The following GNAQ variants were observed in gnomAD, a reference collection of about 807,000 sequenced individuals.
GNAQ encodes guanine nucleotide-binding protein G(q) subunit alpha.
In GNAQ, 8 loss-of-function variants were observed where a neutral mutation model predicts 43.9. The observed-to-expected ratio is 0.18, with a 90% CI of 0.11 to 0.33. The LOEUF is 0.33. Ranked by LOEUF, GNAQ falls within the 10% of genes least tolerant of loss-of-function variation. The probability of loss-of-function intolerance (pLI) is 1.00; values close to 1 mark genes in which losing one functional copy is unlikely to be tolerated. For missense variants in GNAQ, 158 were observed against 450.8 expected, an observed-to-expected ratio of 0.35 and a Z score of 5.88; for synonymous variants, 155 against 170.7, an observed-to-expected ratio of 0.91 and a Z score of 0.71.
intron 1 of GNAQ, among the ~76,000 whole-genome samples, chr9:77,941,782 T>C (rs1271590835): frequency 1.3e-5 from 2 of 152,184 alleles, no homozygotes; most frequent in Non-Finnish European, 2.9e-5. Flanking sequence ...GGAGAAACAA[T>C]GTTTTATTAC....
chr9:77,857,025 A>G (rs1037427239), intron 2 of GNAQ, among the ~76,000 whole-genome samples: 4 of 152,180 alleles, frequency 2.6e-5, no homozygotes, highest in African/African-American at 9.6e-5. Context: ...CTCTTCCTCA[A>G]GGAAAACAGT....
At chr9:77,976,241 C>T (rs975371685) in intron 1 of GNAQ, among the ~76,000 whole-genome samples, 1 of 152,170 alleles carries the variant, frequency 6.6e-6, no homozygotes, top group Non-Finnish European at 1.5e-5. Flanking sequence ...GTAAAGTGCC[C>T]AGTAAATGTT....
intron 1 of GNAQ, among the ~76,000 whole-genome samples, chr9:77,937,595 C>T (rs1295482256): frequency 6.6e-6 from 1 of 151,728 alleles, no homozygotes; most frequent in Admixed American, 6.6e-5. Context: ...AAACATCACA[C>T]TACTTAGAAA....
Position 77,721,643 on chromosome 9 carries a change from A to C in GNAQ, c.890-130T>G, listed in dbSNP as rs1337391642. On this transcript the variant is annotated intron_variant, in intron 6 of 6. Coordinates refer to ENST00000286548, the MANE Select transcript of GNAQ (RefSeq NM_002072.5). The stretch of plus-strand genomic sequence containing the variant: ...CTGCACTGCAGATTTGATCTGTTAT[A>C]ATCATTTTCCCTAACACTGCTATGT... The C allele has an allele frequency of 6.2e-6, 4 of 643,048 alleles. No individual in the cohort carries two copies. The East Asian group carries it at 1.1e-4, about 18-fold the overall frequency. 39.8% of individuals were successfully genotyped at this position (643,048 alleles called of 1,614,324 possible).
At chr9:77,751,355 C>T (rs1013513462) in intron 5 of GNAQ, among the ~76,000 whole-genome samples, 1 of 152,080 alleles carries the variant, frequency 6.6e-6, no homozygotes, top group Non-Finnish European at 1.5e-5. Context: ...GGGTGGTTTC[C>T]CTAATTGAAT....
rs543805600 is a variant in GNAQ at position 77,759,835 on chromosome 9, G to A, written c.736-31168C>T. ...CTTTTAGATCTATTAAATCACTGGA[G>A]TAGACTACAGTATATAATGTTCTTA... On this transcript the variant is annotated intron_variant, in intron 5 of 6. Coordinates refer to ENST00000286548, the MANE Select transcript of GNAQ (RefSeq NM_002072.5). 3.9e-5 allele frequency among the ~76,000 whole-genome samples: 6 copies of A among 152,238 alleles called. No individual in the cohort carries two copies. In the South Asian group the frequency reaches 1.0e-3, roughly 26 times the overall value.
intron 3 of GNAQ, among the ~76,000 whole-genome samples, chr9:77,808,641 C>T (rs1057440781): frequency 6.6e-6 from 1 of 151,952 alleles, no homozygotes; most frequent in African/African-American, 2.4e-5. Context: ...ATAATGACTT[C>T]TCAGATAAAG....
rs972862541 is a variant in GNAQ at position 77,717,649 on chromosome 9, A to C, written c.*3674T>G. 8.6e-6 allele frequency: 2 copies of C among 232,268 alleles called. No homozygotes were observed. The highest frequency in any genetic ancestry group is 4.4e-5 in the African/African-American group (2 of 45,278). 14.4% of individuals were successfully genotyped at this position (232,268 alleles called of 1,614,324 possible). A position where few individuals can be genotyped will look rare whatever the true frequency, so the allele number is the denominator to read the frequency against. On this transcript the variant is annotated 3_prime_UTR_variant, in exon 7 of 7. Transcript: ENST00000286548. ...AAATTACAGTTCGTACACTTTGACA[A>C]TCAAGATAGTCTGAAGTACAAAAAA... is the stretch of plus-strand genomic sequence containing the variant.
At chr9:77,916,940 C>T (rs1038727732) in intron 2 of GNAQ, among the ~76,000 whole-genome samples, 1 of 152,136 alleles carries the variant, frequency 6.6e-6, no homozygotes, top group African/African-American at 2.4e-5. Context: ...CACAATACCA[C>T]CCTTATTTCA....
chr9:77,984,048 G>GAAA (rs1564170418), intron 1 of GNAQ, among the ~76,000 whole-genome samples: 7 of 24,712 alleles, frequency 2.8e-4, no homozygotes, highest in African/African-American at 1.4e-3. Context: ...ATTTTGGAGA[G>GAAA]CAAAAAAAAA....
At chr9:77,860,812 A>G (rs1376390588) in intron 2 of GNAQ, among the ~76,000 whole-genome samples, 1 of 151,828 alleles carries the variant, frequency 6.6e-6, no homozygotes, top group Non-Finnish European at 1.5e-5. Flanking sequence ...GGCTAGATGT[A>G]CTCCCAGCTG....
At chr9:77,810,235 TA>T (rs1826898849) in intron 3 of GNAQ, among the ~76,000 whole-genome samples, 1 of 151,344 alleles carries the variant, frequency 6.6e-6, no homozygotes, top group Non-Finnish European at 1.5e-5. Context: ...TCTATCTATC[TA>T]TCTATCTATC....
chr9:77,964,405 C>T (rs964643714), intron 1 of GNAQ, among the ~76,000 whole-genome samples: 1 of 152,106 alleles, frequency 6.6e-6, no homozygotes, highest in African/African-American at 2.4e-5. Context: ...AGAAATACAT[C>T]AAAGATAATA....
rs1227848240 is a variant in GNAQ at position 77,987,451 on chromosome 9, T to C, written c.136+43649A>G. Among the ~76,000 whole-genome samples, 7 of 152,196 alleles carry C rather than the reference T, an allele frequency of 4.6e-5. No homozygotes were observed. The East Asian group carries it at 1.3e-3, about 29-fold the overall frequency. The stretch of plus-strand genomic sequence containing the variant: ...CAGACACTCTGATTCACTCTTTTGA[T>C]GACAGAAAAGGACTGGACACCACTA... On this transcript the variant is annotated intron_variant, in intron 1 of 6. Coordinates refer to ENST00000286548, the MANE Select transcript of GNAQ (RefSeq NM_002072.5).
chr9:77,889,922 T>C (rs12343622), intron 2 of GNAQ, among the ~76,000 whole-genome samples: 24 of 152,310 alleles, frequency 1.6e-4, no homozygotes, highest in African/African-American at 4.1e-4. Context: ...TCCGAAATGT[T>C]TGTCAAAGTC....
Position 77,790,583 on chromosome 9 carries a change from T to C in GNAQ, c.735+3880A>G, listed in dbSNP as rs143936310. On this transcript the variant is annotated intron_variant, in intron 5 of 6. Coordinates refer to ENST00000286548, the MANE Select transcript of GNAQ (RefSeq NM_002072.5). ...TCTCTGGCTGGTCTACTACTACCAA[T>C]TGGTGTAAGAAGAGCTTAGAGGTAG... 2.0e-4 allele frequency among the ~76,000 whole-genome samples: 31 copies of C among 152,306 alleles called. No individual in the cohort carries two copies. In the East Asian group the frequency reaches 5.0e-3, roughly 25 times the overall value.
At chr9:77,889,410 C>CAAAAAAAAAAAAAAAAAAAAAAA (rs58496646) in intron 2 of GNAQ, among the ~76,000 whole-genome samples, 6 of 48,064 alleles carry the variant, frequency 1.2e-4, no homozygotes, top group Non-Finnish European at 1.7e-4. Context: ...GACCCTGTCT[C>CAAAAAAAAAAAAAAAAAAAAAAA]AAAAAAAAAA....
At chr9:77,998,479 C>A (rs1564174471) in intron 1 of GNAQ, among the ~76,000 whole-genome samples, 1 of 152,204 alleles carries the variant, frequency 6.6e-6, no homozygotes, top group Non-Finnish European at 1.5e-5. Flanking sequence ...AACAACATCC[C>A]TGTTCTCCAT....
At chr9:77,865,318 A>G (rs1263771355) in intron 2 of GNAQ, among the ~76,000 whole-genome samples, 2 of 152,208 alleles carry the variant, frequency 1.3e-5, no homozygotes, top group Admixed American at 1.3e-4. Context: ...TATGGGAATA[A>G]AGAGTCATTT....
Sources: gnomAD v4.1 joint callset for allele counts (sites outside exome capture counted in the v4.1 genomes callset) on GRCh38, gnomAD v4.1.1 for gene constraint, MANE v1.5 for transcripts, NCBI Gene and HGNC (gene_info 2026-07-23, HGNC 2026-07-21) for gene names.